COLEC10: variants seen among roughly 807,000 people sequenced by gnomAD.
COLEC10 encodes the protein collectin-10.
In COLEC10, 22 loss-of-function variants were observed where a neutral mutation model predicts 28.4. That is an observed-to-expected ratio of 0.78 (90% CI 0.55 to 1.11). The LOEUF (loss-of-function observed/expected upper bound fraction) is 1.11. Among genes scored for constraint, COLEC10 ranks in the 50% least tolerant of loss-of-function variants. The pLI, the probability that COLEC10 is intolerant of heterozygous loss-of-function variation, is 0.00. For missense variants in COLEC10, 361 were observed against 344.1 expected, an observed-to-expected ratio of 1.05 and a Z score of -0.39; for synonymous variants, 125 against 116.1, an observed-to-expected ratio of 1.08 and a Z score of -0.49.
At chr8:119,084,493 T>A (rs1815430902) in intron 1 of COLEC10, among the ~76,000 whole-genome samples, 1 of 152,230 alleles carries the variant, frequency 6.6e-6, no homozygotes, top group South Asian at 2.1e-4. Context: ...TTCAAAGGAC[T>A]TAGGCTTACT....
chr8:119,047,066 A>G (rs1010822478), intron 2 of COLEC10, among the ~76,000 whole-genome samples: 1 of 152,208 alleles, frequency 6.6e-6, no homozygotes, highest in Admixed American at 6.5e-5. Context: ...TCTCTTAAGT[A>G]ATTCAGCACT....
At chr8:118,987,474 A>G in the COLEC10 span, among the ~76,000 whole-genome samples, 3 of 152,062 alleles carry the variant, frequency 2.0e-5, no homozygotes, top group Admixed American at 2.0e-4. Context: ...TGAGGCATGA[A>G]AATCTCTTGA....
chr8:119,035,534 T>C (rs1323568782), intron 2 of COLEC10, among the ~76,000 whole-genome samples: 2 of 146,770 alleles, frequency 1.4e-5, no homozygotes, highest in Admixed American at 6.9e-5. Context: ...AGATCCCTTC[T>C]CAGAGACCTT....
intron 1 of COLEC10, among the ~76,000 whole-genome samples, chr8:119,069,087 A>G (rs1815034377): frequency 6.6e-6 from 1 of 152,134 alleles, no homozygotes; most frequent in Admixed American, 6.6e-5. Context: ...AGCTAAGATA[A>G]GTAACCTGTC....
intron 2 of COLEC10, among the ~76,000 whole-genome samples, chr8:119,045,563 G>A (rs886937399): frequency 6.6e-6 from 1 of 152,196 alleles, no homozygotes; most frequent in Non-Finnish European, 1.5e-5. Context: ...CTTTTTGACT[G>A]CTTATATGGA....
chr8:118,966,938 C>T, the COLEC10 span, among the ~76,000 whole-genome samples: 2,535 of 152,176 alleles, frequency 0.017, 65 homozygotes, highest in African/African-American at 0.058. Flanking sequence ...TCAGTCTTTC[C>T]TCCTGGACTA....
chr8:119,039,374 G>A (rs1304471246), intron 2 of COLEC10, among the ~76,000 whole-genome samples: 1 of 152,128 alleles, frequency 6.6e-6, no homozygotes, highest in Non-Finnish European at 1.5e-5. Context: ...CTACTTTAAA[G>A]TTAATGCTTA....
chr8:118,971,792 G>A, the COLEC10 span, among the ~76,000 whole-genome samples: 1 of 152,024 alleles, frequency 6.6e-6, no homozygotes, highest in Non-Finnish European at 1.5e-5. Context: ...AGTGAGAGTA[G>A]TGTAGTGGTG....
At chr8:118,989,756 C>A in the COLEC10 span, among the ~76,000 whole-genome samples, 1 of 149,040 alleles carries the variant, frequency 6.7e-6, no homozygotes, top group Non-Finnish European at 1.5e-5. Flanking sequence ...AGGCTGTATA[C>A]ACAGATTAGC....
upstream of COLEC10, among the ~76,000 whole-genome samples, chr8:119,064,136 A>T (rs940400433): frequency 2.6e-5 from 4 of 152,214 alleles, no homozygotes; most frequent in Non-Finnish European, 4.4e-5. Flanking sequence ...TAAAGACAAT[A>T]TACTTAACAT....
At chr8:119,015,209 G>A (rs1813969947) in intron 2 of COLEC10, among the ~76,000 whole-genome samples, 1 of 151,002 alleles carries the variant, frequency 6.6e-6, no homozygotes, top group Non-Finnish European at 1.5e-5. Context: ...TGGTGATATG[G>A]TGGGGAGGTG....
chr8:119,049,404 T>A (rs1354326271), intron 2 of COLEC10, among the ~76,000 whole-genome samples: 5 of 80,480 alleles, frequency 6.2e-5, no homozygotes, highest in African/African-American at 2.1e-4. Context: ...TTCTTTTCTT[T>A]TTTTTTTTTT....
chr8:119,097,890 T>G (rs1418024566), intron 3 of COLEC10, among the ~76,000 whole-genome samples: 1 of 152,074 alleles, frequency 6.6e-6, no homozygotes, highest in Non-Finnish European at 1.5e-5. Flanking sequence ...TAAGTAACAT[T>G]TTTTAATTGC....
At chr8:119,068,731 C>T (rs1375090775) in intron 1 of COLEC10, 1 of 152,038 alleles carries the variant, frequency 6.6e-6, no homozygotes, top group African/African-American at 2.4e-5. Context: ...TCCTCCTGAG[C>T]ATCTGCAGAC....
At chr8:118,978,925 A>T in the COLEC10 span, among the ~76,000 whole-genome samples, 1 of 152,008 alleles carries the variant, frequency 6.6e-6, no homozygotes, top group Non-Finnish European at 1.5e-5. Flanking sequence ...TCATTTTATC[A>T]TTCTTATTTT....
At position 119,001,990 on chromosome 8, in the gene COLEC10, C is replaced by A. The variant is rs565919839; in HGVS notation, n.122+6417C>A. On this transcript the variant is annotated intron_variant and non_coding_transcript_variant, in intron 1 of 6. Transcript: ENST00000521788. ...ATGTTAGAATTTAGCCCCCCATTCA[C>A]AAATATGAGCTTAGCTCTATTTCTG... Among the ~76,000 whole-genome samples, 7 of 152,276 alleles carry A rather than the reference C, an allele frequency of 4.6e-5. 1 individual carries two copies. The highest frequency in any genetic ancestry group is 1.7e-4 in the African/African-American group (7 of 41,574).
intron 2 of COLEC10, among the ~76,000 whole-genome samples, chr8:119,040,605 A>C (rs1387646133): frequency 6.6e-6 from 1 of 152,236 alleles, no homozygotes; most frequent in African/African-American, 2.4e-5. Flanking sequence ...TCCATAATGA[A>C]ACTATCCATA....
the COLEC10 span, among the ~76,000 whole-genome samples, chr8:118,961,949 C>G: frequency 6.6e-6 from 1 of 152,172 alleles, no homozygotes; most frequent in Non-Finnish European, 1.5e-5. Flanking sequence ...AGTGGGCCTA[C>G]AGCTGAGCTC....
At chr8:119,077,139 C>T (rs991557639) in intron 1 of COLEC10, among the ~76,000 whole-genome samples, 2 of 151,766 alleles carry the variant, frequency 1.3e-5, no homozygotes, top group Non-Finnish European at 2.9e-5. Context: ...TGTACAAAGG[C>T]AAGGGATATG....
Sources: gnomAD v4.1 joint callset for allele counts (sites outside exome capture counted in the v4.1 genomes callset) on GRCh38, gnomAD v4.1.1 for gene constraint, MANE v1.5 for transcripts, NCBI Gene and HGNC (gene_info 2026-07-23, HGNC 2026-07-21) for gene names.